PDE4B: variants seen among roughly 807,000 people sequenced by gnomAD.
PDE4B encodes the protein phosphodiesterase 4B, also known as 3',5'-cyclic-AMP phosphodiesterase 4B.
Under a neutral mutation model 82.2 loss-of-function variants are expected in PDE4B, and 20 were observed. The observed-to-expected ratio is 0.24, with a 90% CI of 0.17 to 0.35. The LOEUF (loss-of-function observed/expected upper bound fraction) is 0.35, where lower values mean the gene tolerates loss of function less well. Among genes scored for constraint, PDE4B ranks in the 10% least tolerant of loss-of-function variants. The pLI, the probability that PDE4B is intolerant of heterozygous loss-of-function variation, is 1.00. For synonymous variants in PDE4B, 320 were observed against 318.9 expected, an observed-to-expected ratio of 1.00 and a Z score of -0.04; for missense variants, 655 against 907.2, an observed-to-expected ratio of 0.72 and a Z score of 3.57.
At chr1:66,303,368 T>C (rs199795423) in intron 7 of PDE4B, among the ~76,000 whole-genome samples, 9,790 of 150,810 alleles carry the variant, frequency 0.065, 1,003 homozygotes, top group African/African-American at 0.22. Flanking sequence ...TATATATATA[T>C]ATACACACAC....
intron 3 of PDE4B, among the ~76,000 whole-genome samples, chr1:66,062,258 C>G (rs1371290382): frequency 2.0e-5 from 3 of 152,074 alleles, no homozygotes; most frequent in African/African-American, 7.2e-5. Flanking sequence ...GCAATTTTTC[C>G]TCTACAAATA....
chr1:66,121,381 A>G (rs923017933), intron 3 of PDE4B, among the ~76,000 whole-genome samples: 5 of 152,186 alleles, frequency 3.3e-5, no homozygotes, highest in African/African-American at 9.7e-5. Context: ...TTGAAAACAA[A>G]TAGTTCAGTT....
intron 3 of PDE4B, among the ~76,000 whole-genome samples, chr1:66,008,876 G>C (rs908663241): frequency 2.0e-5 from 3 of 151,770 alleles, no homozygotes; most frequent in African/African-American, 7.3e-5. Context: ...CTAAATATTG[G>C]AATGCTCCAG....
intron 8 of PDE4B, among the ~76,000 whole-genome samples, chr1:66,346,049 G>C: frequency 6.6e-6 from 1 of 152,138 alleles, no homozygotes; most frequent in Non-Finnish European, 1.5e-5. Flanking sequence ...TAAGCCCTTT[G>C]GAGACTAGCA....
chr1:66,171,688 G>A (rs1646839256), intron 3 of PDE4B, among the ~76,000 whole-genome samples: 1 of 152,020 alleles, frequency 6.6e-6, no homozygotes, highest in Admixed American at 6.6e-5. Flanking sequence ...ATAACCTCAA[G>A]CAGGCCTGAG....
intron 3 of PDE4B, among the ~76,000 whole-genome samples, chr1:66,060,267 C>T (rs1250490159): frequency 1.3e-5 from 2 of 152,162 alleles, no homozygotes; most frequent in Non-Finnish European, 2.9e-5. Flanking sequence ...ATTACTAACT[C>T]TTTCGGTATT....
chr1:65,989,822 T>C (rs1002872085), intron 3 of PDE4B, among the ~76,000 whole-genome samples: 17 of 152,100 alleles, frequency 1.1e-4, no homozygotes. Flanking sequence ...TGTTTACTTT[T>C]TCTTAGATAG....
intron 3 of PDE4B, among the ~76,000 whole-genome samples, chr1:65,958,448 A>G (rs560478533): frequency 5.3e-5 from 8 of 152,146 alleles, no homozygotes; most frequent in African/African-American, 1.9e-4. Flanking sequence ...ACATTGTGGT[A>G]TTTTAAAAAG....
At chr1:65,807,943 T>C (rs1404669828) in intron 1 of PDE4B, among the ~76,000 whole-genome samples, 1 of 152,180 alleles carries the variant, frequency 6.6e-6, no homozygotes, top group East Asian at 1.9e-4. Context: ...GAGATCCTTT[T>C]TGTTACCTTC....
At chr1:66,141,441 A>C (rs1452920890) in intron 3 of PDE4B, among the ~76,000 whole-genome samples, 1 of 150,212 alleles carries the variant, frequency 6.7e-6, no homozygotes, top group Non-Finnish European at 1.5e-5. Flanking sequence ...TTTAGTGAAT[A>C]AGTCTTATAG....
At chr1:66,225,695 C>A (rs1651395902) in intron 3 of PDE4B, among the ~76,000 whole-genome samples, 1 of 152,176 alleles carries the variant, frequency 6.6e-6, no homozygotes, top group Non-Finnish European at 1.5e-5. Flanking sequence ...GATGTTTAAT[C>A]CAGCTGTGAA....
At chr1:66,234,342 G>A (rs1433986096) in intron 3 of PDE4B, among the ~76,000 whole-genome samples, 3 of 152,170 alleles carry the variant, frequency 2.0e-5, no homozygotes, top group African/African-American at 7.2e-5. Flanking sequence ...AGACTGGAGT[G>A]CAATGGCAGG....
At chr1:65,973,559 G>A (rs957691289) in intron 3 of PDE4B, among the ~76,000 whole-genome samples, 5 of 152,056 alleles carry the variant, frequency 3.3e-5, no homozygotes, top group African/African-American at 7.2e-5. Context: ...CCTAGGAATT[G>A]GTAGTTATTA....
At chr1:66,201,396 G>C (rs1461244809) in intron 3 of PDE4B, among the ~76,000 whole-genome samples, 1 of 151,994 alleles carries the variant, frequency 6.6e-6, no homozygotes, top group Non-Finnish European at 1.5e-5. Flanking sequence ...TTTTTCTATT[G>C]ATTGGAATAG....
chr1:65,891,239 C>T (rs1646850045), intron 1 of PDE4B, among the ~76,000 whole-genome samples: 1 of 152,042 alleles, frequency 6.6e-6, no homozygotes, highest in African/African-American at 2.4e-5. Flanking sequence ...ATTCAGCAAT[C>T]AGATTTTGAA....
intron 3 of PDE4B, among the ~76,000 whole-genome samples, chr1:66,164,307 T>C (rs1050507434): frequency 6.6e-6 from 1 of 151,644 alleles, no homozygotes; most frequent in Admixed American, 6.6e-5. Context: ...GAGGCCAAGG[T>C]GGGTGGATCA....
chr1:66,143,203 C>T (rs1236826674), intron 3 of PDE4B, among the ~76,000 whole-genome samples: 5 of 152,172 alleles, frequency 3.3e-5, no homozygotes, highest in Non-Finnish European at 1.5e-5. Flanking sequence ...GTCTTTGTTT[C>T]TAGTGAGAGA....
chr1:66,119,243 G>A (rs907465529), intron 3 of PDE4B, among the ~76,000 whole-genome samples: 5 of 152,148 alleles, frequency 3.3e-5, no homozygotes, highest in African/African-American at 1.2e-4. Flanking sequence ...AGATGCTTTC[G>A]GAAGACCTCT....
At position 66,266,051 on chromosome 1, in the gene PDE4B, G is replaced by A. The variant is rs767423570; in HGVS notation, c.598G>A (p.Ala200Thr). The change falls in exon 7 of 17, where the codon GCT becomes ACT. Residue 200 changes from alanine (A) to threonine (T), a missense_variant. Around this residue, in one of 3 missense-constraint regions of PDE4B, gnomAD observed 253 missense variants for 275.6 expected, o/e 0.92. Coordinates refer to ENST00000341517, the MANE Select transcript of PDE4B (RefSeq NM_002600.4). The part of the protein sequence containing the change: ...HGTSNKRSPA[A>T]SQPPVSRVNP... Reference sequence around the variant, plus strand: ...CTGTCTCCACAGGAGGTCCCCAGCTGCTAGTCAGCCTCCTGTCTCCAGAGT... The same window carrying A: ...CTGTCTCCACAGGAGGTCCCCAGCTACTAGTCAGCCTCCTGTCTCCAGAGT... The A allele has an allele frequency of 1.9e-6, 3 of 1,613,354 alleles. No individual in the cohort carries two copies. In the African/African-American group the frequency reaches 4.0e-5, roughly 22 times the overall value.
Sources: gnomAD v4.1 joint callset for allele counts (sites outside exome capture counted in the v4.1 genomes callset) on GRCh38, gnomAD v4.1.1 for gene constraint, gnomAD v4.1.1 regional missense constraint, MANE v1.5 for transcripts, NCBI Gene and HGNC (gene_info 2026-07-23, HGNC 2026-07-21) for gene names.